FHIT: variants seen among roughly 807,000 people sequenced by gnomAD.
FHIT encodes the protein fragile histidine triad diadenosine triphosphatase.
Under a neutral mutation model 17.9 loss-of-function variants are expected in FHIT, and 19 were observed. That is an observed-to-expected ratio of 1.06 (90% confidence interval 0.74 to 1.56). FHIT has a LOEUF of 1.56. FHIT is among the 40% of genes most tolerant of loss of function. FHIT has a pLI of 0.00. For synonymous variants in FHIT, 81 were observed against 69.7 expected (o/e 1.16, Z -0.81); for missense variants, 248 against 189.2 (o/e 1.31, Z -1.82).
At chr3:61,004,859 C>T (rs1299825911) in intron 3 of FHIT, among the ~76,000 whole-genome samples, 1 of 152,116 alleles carries the variant, frequency 6.6e-6, no homozygotes, top group East Asian at 1.9e-4. Flanking sequence ...TGATGTAAAG[C>T]ACATTATGCA....
chr3:60,965,030 C>T (rs1709652127), intron 3 of FHIT, among the ~76,000 whole-genome samples: 1 of 152,168 alleles, frequency 6.6e-6, no homozygotes, highest in African/African-American at 2.4e-5. Context: ...GAGTGTTTTC[C>T]AACTTGGTTC....
In FHIT at chr3:60,859,976, G is replaced by A. The variant is rs191539997; in HGVS notation, c.-110-37965C>T. ...GGAGAATTGCTTGAACCTGGGAGGC[G>A]GAGGTTCCAGTGAGCCGAGATTGTG... On this transcript the variant is annotated intron_variant, in intron 3 of 9. Transcript: ENST00000492590. Among the ~76,000 whole-genome samples the A allele has an allele frequency of 4.3e-3, 635 of 149,322 alleles. 6 individuals are homozygous for A. Among genetic ancestry groups the A allele is most frequent in the Non-Finnish European group, 7.2e-3 (488 of 67,380 alleles).
At chr3:59,767,777 T>C (rs1267551097) in intron 8 of FHIT, among the ~76,000 whole-genome samples, 2 of 152,182 alleles carry the variant, frequency 1.3e-5, no homozygotes, top group African/African-American at 4.8e-5. Context: ...CATTTTTAGA[T>C]GAAGAAGTTA....
chr3:60,414,727 A>G (rs1048900049), intron 5 of FHIT, among the ~76,000 whole-genome samples: 2 of 152,200 alleles, frequency 1.3e-5, no homozygotes, highest in African/African-American at 2.4e-5. Context: ...GCCTTCAAAC[A>G]TAGAGCGTTC....
At chr3:60,303,014 ATT>A (rs752956495) in intron 5 of FHIT, among the ~76,000 whole-genome samples, 9 of 152,118 alleles carry the variant, frequency 5.9e-5, no homozygotes, top group Non-Finnish European at 1.2e-4. Flanking sequence ...AACCTTTAAT[ATT>A]TTTGTTGCAT....
chr3:60,267,682 C>T (rs542467802), intron 5 of FHIT, among the ~76,000 whole-genome samples: 168 of 152,062 alleles, frequency 1.1e-3, no homozygotes, highest in Non-Finnish European at 2.1e-3. Flanking sequence ...ATCATTAATT[C>T]GTTTAGTAAA....
chr3:60,974,173 T>G (rs1477889389), intron 3 of FHIT, among the ~76,000 whole-genome samples: 1 of 152,212 alleles, frequency 6.6e-6, no homozygotes, highest in Non-Finnish European at 1.5e-5. Flanking sequence ...AAATAGCCAG[T>G]AGAAAACCTC....
chr3:60,315,293 A>G (rs1709116329), intron 5 of FHIT, among the ~76,000 whole-genome samples: 1 of 152,172 alleles, frequency 6.6e-6, no homozygotes, highest in Non-Finnish European at 1.5e-5. Flanking sequence ...ACAGCAACAG[A>G]TAGCCAGAAC....
At chr3:60,058,576 T>TGC (rs1702179271) in intron 5 of FHIT, among the ~76,000 whole-genome samples, 1 of 152,194 alleles carries the variant, frequency 6.6e-6, no homozygotes, top group Non-Finnish European at 1.5e-5. Context: ...TAGTTTGCCA[T>TGC]CACACAAAAA....
At chr3:60,441,451 C>T (rs2030792922) in intron 5 of FHIT, among the ~76,000 whole-genome samples, 1 of 150,606 alleles carries the variant, frequency 6.6e-6, no homozygotes, top group South Asian at 2.1e-4. Flanking sequence ...AAGAAAACAA[C>T]AAAATCTTTA....
At chr3:61,169,307 ACT>A (rs1217763327) in intron 2 of FHIT, among the ~76,000 whole-genome samples, 1 of 152,036 alleles carries the variant, frequency 6.6e-6, no homozygotes, top group Non-Finnish European at 1.5e-5. Flanking sequence ...ACTCATCTTA[ACT>A]CTCTTTTAGT....
intron 2 of FHIT, among the ~76,000 whole-genome samples, chr3:61,127,402 A>G (rs1310604191): frequency 1.3e-5 from 2 of 152,246 alleles, no homozygotes; most frequent in African/African-American, 4.8e-5. Context: ...AAGATCTCCA[A>G]TTCTTAAACA....
At chr3:60,117,468 A>G (rs1366976746) in intron 5 of FHIT, among the ~76,000 whole-genome samples, 1 of 147,240 alleles carries the variant, frequency 6.8e-6, no homozygotes, top group Non-Finnish European at 1.5e-5. Flanking sequence ...AAATCCAGAC[A>G]GACCCAAAGT....
chr3:61,059,335 C>T (rs979599330), intron 2 of FHIT, among the ~76,000 whole-genome samples: 4 of 149,068 alleles, frequency 2.7e-5, no homozygotes, highest in Admixed American at 2.7e-4. Context: ...TAATGAAAGC[C>T]ATTTAATTCA....
At chr3:61,224,336 C>T (rs760782667) in intron 1 of FHIT, among the ~76,000 whole-genome samples, 1 of 152,190 alleles carries the variant, frequency 6.6e-6, no homozygotes, top group African/African-American at 2.4e-5. Context: ...GAAATGACTA[C>T]CTACATGGTA....
At chr3:60,064,684 AAGG>A (rs372762671) in intron 5 of FHIT, among the ~76,000 whole-genome samples, 16 of 152,222 alleles carry the variant, frequency 1.1e-4, no homozygotes, top group Admixed American at 2.6e-4. Flanking sequence ...ACTGAGAATG[AAGG>A]AGAACAATGT....
chr3:61,175,284 G>C (rs2038124323), intron 2 of FHIT, among the ~76,000 whole-genome samples: 1 of 152,038 alleles, frequency 6.6e-6, no homozygotes, highest in African/African-American at 2.4e-5. Context: ...ATACCAGATA[G>C]GTAAAATATA....
At chr3:60,194,317 TAAA>T (rs1702526877) in intron 5 of FHIT, among the ~76,000 whole-genome samples, 1 of 151,890 alleles carries the variant, frequency 6.6e-6, no homozygotes, top group Admixed American at 6.6e-5. Flanking sequence ...AACAAAGCAT[TAAA>T]AAACATAAAC....
At chr3:60,013,864 T>G (rs1445071728) in intron 6 of FHIT, 143 bp downstream of exon 6, 5 of 805,328 alleles carry the variant, frequency 6.2e-6, no homozygotes, top group Non-Finnish European at 1.0e-5. Context: ...AGGGTTGCCC[T>G]GCATTAGAAA....
Sources: gnomAD v4.1 joint callset for allele counts (sites outside exome capture counted in the v4.1 genomes callset) on GRCh38, gnomAD v4.1.1 for gene constraint, MANE v1.5 for transcripts, NCBI Gene and HGNC (gene_info 2026-07-23, HGNC 2026-07-21) for gene names.